CNTNAP2: variants seen among roughly 807,000 people sequenced by gnomAD.
CNTNAP2 encodes the protein contactin associated protein 2.
CNTNAP2 carries 98 observed loss-of-function variants against 155.2 expected under a neutral mutation model. That is an observed-to-expected ratio of 0.63 (90% CI 0.54 to 0.75). The LOEUF (loss-of-function observed/expected upper bound fraction) is 0.75, where lower values mean the gene tolerates loss of function less well. Ranked by LOEUF, CNTNAP2 falls within the 30% of genes least tolerant of loss-of-function variation. The pLI, the probability that CNTNAP2 is intolerant of heterozygous loss-of-function variation, is 0.00. For synonymous variants in CNTNAP2, 651 were observed against 631.2 expected (o/e 1.03, Z -0.47); for missense variants, 1,727 against 1,688.1 (o/e 1.02, Z -0.40).
At chr7:147,042,099 C>T (rs1186975998) in intron 3 of CNTNAP2, among the ~76,000 whole-genome samples, 1 of 152,124 alleles carries the variant, frequency 6.6e-6, no homozygotes, top group East Asian at 1.9e-4. Context: ...CAACAAGATG[C>T]AATGAGGATG....
chr7:146,338,099 A>T (rs1390835929), intron 1 of CNTNAP2, among the ~76,000 whole-genome samples: 3 of 152,130 alleles, frequency 2.0e-5, no homozygotes, highest in African/African-American at 7.2e-5. Flanking sequence ...GGACAAATGG[A>T]TATACAGATA....
chr7:147,953,190 C>T (rs1203024337), intron 14 of CNTNAP2, among the ~76,000 whole-genome samples: 1 of 152,132 alleles, frequency 6.6e-6, no homozygotes, highest in Non-Finnish European at 1.5e-5. Flanking sequence ...ATCAGTTGTG[C>T]TAAGTTTTAT....
chr7:147,877,812 G>C (rs1257820895), intron 13 of CNTNAP2, among the ~76,000 whole-genome samples: 3 of 151,934 alleles, frequency 2.0e-5, no homozygotes, highest in Non-Finnish European at 1.5e-5. Flanking sequence ...TGTGGTCTTT[G>C]GTTCTGTATA....
chr7:147,083,719 T>A (rs1443668175), intron 4 of CNTNAP2, among the ~76,000 whole-genome samples: 1 of 144,640 alleles, frequency 6.9e-6, no homozygotes, highest in Non-Finnish European at 1.5e-5. Flanking sequence ...TATATTTATA[T>A]AGCATGTGTA....
intron 9 of CNTNAP2, among the ~76,000 whole-genome samples, chr7:147,384,596 T>C (rs913839712): frequency 6.6e-6 from 1 of 152,170 alleles, no homozygotes; most frequent in Non-Finnish European, 1.5e-5. Flanking sequence ...GAAAATGTTC[T>C]TTAGTGGCCT....
At chr7:147,859,851 T>G (rs1406350379) in intron 13 of CNTNAP2, among the ~76,000 whole-genome samples, 1 of 152,174 alleles carries the variant, frequency 6.6e-6, no homozygotes, top group Non-Finnish European at 1.5e-5. Flanking sequence ...AGAAATGAAT[T>G]TTGTACAATA....
At chr7:147,148,519 G>T (rs1755092082) in intron 8 of CNTNAP2, among the ~76,000 whole-genome samples, 1 of 152,120 alleles carries the variant, frequency 6.6e-6, no homozygotes, top group Admixed American at 6.6e-5. Context: ...GTCCAGAATT[G>T]GTTCCTTCCA....
At chr7:146,370,677 T>C (rs1795221911) in intron 1 of CNTNAP2, among the ~76,000 whole-genome samples, 1 of 152,140 alleles carries the variant, frequency 6.6e-6, no homozygotes, top group Non-Finnish European at 1.5e-5. Context: ...TAAATTTTTA[T>C]GTAAATTTTA....
intron 3 of CNTNAP2, among the ~76,000 whole-genome samples, chr7:146,930,563 A>T (rs1462442770): frequency 1.3e-5 from 2 of 152,200 alleles, no homozygotes; most frequent in Admixed American, 6.5e-5. Context: ...ACATAATGAC[A>T]GGATGAAATT....
intron 3 of CNTNAP2, among the ~76,000 whole-genome samples, chr7:147,024,514 G>T (rs940944397): frequency 6.6e-6 from 1 of 152,172 alleles, no homozygotes; most frequent in African/African-American, 2.4e-5. Context: ...TTGTTGTAAA[G>T]AAATATTGAG....
intron 1 of CNTNAP2, among the ~76,000 whole-genome samples, chr7:146,338,320 CAG>C (rs2129096068): frequency 6.6e-6 from 1 of 152,252 alleles, no homozygotes; most frequent in African/African-American, 2.4e-5. Flanking sequence ...CAAGAACTAA[CAG>C]AGACTCTGTG....
At chr7:147,123,789 C>T (rs1563084753) in intron 6 of CNTNAP2, among the ~76,000 whole-genome samples, 3 of 152,192 alleles carry the variant, frequency 2.0e-5, no homozygotes, top group Non-Finnish European at 4.4e-5. Context: ...GCCTGTAATC[C>T]TAGCACTTTG....
chr7:147,799,526 G>A (rs574697625), intron 13 of CNTNAP2, among the ~76,000 whole-genome samples: 3 of 151,958 alleles, frequency 2.0e-5, no homozygotes, highest in African/African-American at 7.3e-5. Flanking sequence ...ACAAAGCATT[G>A]TAAAAATGTA....
intron 1 of CNTNAP2, among the ~76,000 whole-genome samples, chr7:146,608,191 T>C (rs1219689009): frequency 1.3e-5 from 2 of 152,220 alleles, no homozygotes; most frequent in Non-Finnish European, 2.9e-5. Flanking sequence ...TCAATATCAC[T>C]TGAGTGGCAT....
In CNTNAP2 at chr7:146,879,972, G is replaced by T. The variant is rs184966345; in HGVS notation, c.402+40068G>T. Among the ~76,000 whole-genome samples the T allele has an allele frequency of 8.4e-4, 127 of 152,018 alleles. 3 individuals are homozygous for T. The East Asian group carries it at 0.023, about 27-fold the overall frequency. ...ACAGAACAAGAGCCAAGTGAAAGGG[G>T]TTTCCCTTTTAAAACCATCAGATCT... On this transcript the variant is annotated intron_variant, in intron 3 of 23. Coordinates refer to ENST00000361727, the MANE Select transcript of CNTNAP2 (RefSeq NM_014141.6).
chr7:146,132,591 G>C (rs2116738794), intron 1 of CNTNAP2, among the ~76,000 whole-genome samples: 1 of 117,762 alleles, frequency 8.5e-6, no homozygotes, highest in East Asian at 2.6e-4. Flanking sequence ...ACAGTCCCCA[G>C]AGTGTGATAT....
intron 5 of CNTNAP2, among the ~76,000 whole-genome samples, chr7:147,113,553 C>T (rs1039823258): frequency 3.9e-5 from 6 of 151,902 alleles, no homozygotes; most frequent in African/African-American, 1.2e-4. Context: ...CTTCACATGG[C>T]GGCAGGAGAG....
chr7:146,935,987 AT>A (rs1205555317), intron 3 of CNTNAP2, among the ~76,000 whole-genome samples: 8 of 152,170 alleles, frequency 5.3e-5, no homozygotes, highest in African/African-American at 1.9e-4. Flanking sequence ...GCATTCAGAC[AT>A]CTCCAGAATG....
intron 1 of CNTNAP2, among the ~76,000 whole-genome samples, chr7:146,707,887 G>C (rs1426300635): frequency 6.6e-6 from 1 of 152,090 alleles, no homozygotes; most frequent in Non-Finnish European, 1.5e-5. Flanking sequence ...TGATGGAGAA[G>C]TATGTAGGGT....
Sources: allele counts gnomAD v4.1 joint callset (sites outside exome capture counted in the v4.1 genomes callset), GRCh38; gene constraint gnomAD v4.1.1; transcripts MANE v1.5; gene names NCBI Gene and HGNC (gene_info 2026-07-23, HGNC 2026-07-21).